Variants in RAB3GAP2 observed in about 807,000 individuals in gnomAD.
RAB3GAP2 encodes rab3 GTPase-activating protein non-catalytic subunit.
In RAB3GAP2, 87 loss-of-function variants were observed where a neutral mutation model predicts 185.3. The observed-to-expected ratio is 0.47, with a 90% CI of 0.39 to 0.56. The LOEUF (loss-of-function observed/expected upper bound fraction) is 0.56, where lower values mean the gene tolerates loss of function less well. RAB3GAP2 is among the 20% of genes least tolerant of loss of function. The pLI, the probability that RAB3GAP2 is intolerant of heterozygous loss-of-function variation, is 0.00. For missense variants in RAB3GAP2, 1,492 were observed against 1,638.2 expected (o/e 0.91, Z 1.54); for synonymous variants, 554 against 576.1 (o/e 0.96, Z 0.55).
intron 28 of RAB3GAP2, 50 bp downstream of exon 28, chr1:220,162,148 C>G: frequency 7.6e-7 from 1 of 1,323,996 alleles, no homozygotes; most frequent in Non-Finnish European, 1.1e-6. Flanking sequence ...TAATATTAGT[C>G]AAATAAGAGA....
At chr1:220,209,032 T>A (rs1417641618) in intron 7 of RAB3GAP2, among the ~76,000 whole-genome samples, 1 of 152,128 alleles carries the variant, frequency 6.6e-6, no homozygotes, top group African/African-American at 2.4e-5. Flanking sequence ...ACAATTTTTG[T>A]ACTAGTCCTT....
At chr1:220,265,570 G>A (rs181848535) in intron 1 of RAB3GAP2, among the ~76,000 whole-genome samples, 2 of 152,104 alleles carry the variant, frequency 1.3e-5, no homozygotes, top group African/African-American at 4.8e-5. Context: ...TGGAAATTAT[G>A]TCACTATAGG....
At chr1:220,249,977 C>T (rs764582026) in intron 1 of RAB3GAP2, among the ~76,000 whole-genome samples, 1 of 152,190 alleles carries the variant, frequency 6.6e-6, no homozygotes, top group Non-Finnish European at 1.5e-5. Flanking sequence ...TAATGGAGAA[C>T]CTTTGCTAGG....
At chr1:220,176,356 C>T (rs912782598) in intron 21 of RAB3GAP2, among the ~76,000 whole-genome samples, 7 of 152,026 alleles carry the variant, frequency 4.6e-5, no homozygotes, top group African/African-American at 1.4e-4. Context: ...ACCAAGATGG[C>T]GGAATAGAAG....
In RAB3GAP2 at chr1:220,154,219, T is replaced by C. The variant is rs565562381; in HGVS notation, c.3556-162A>G. ...TTTATAACAATTATCTAGTATATAGTAGACAGCCTTTAAGATGAAACCCAG... is the reference window on the plus strand; with the variant it reads ...TTTATAACAATTATCTAGTATATAGCAGACAGCCTTTAAGATGAAACCCAG... On this transcript the variant is annotated intron_variant, in intron 31 of 34. Transcript: ENST00000358951. 6.7e-6 allele frequency: 7 copies of C among 1,040,510 alleles called. 1 individual carries two copies. The highest frequency in any genetic ancestry group is 3.5e-5 in the South Asian group (2 of 57,470). 64.5% of individuals were successfully genotyped at this position (1,040,510 alleles called of 1,614,324 possible). A position where few individuals can be genotyped will look rare whatever the true frequency, so the allele number is the denominator to read the frequency against.
Position 220,254,180 on chromosome 1 carries a change from G to A in RAB3GAP2, c.115+18043C>T, listed in dbSNP as rs570549899. On this transcript the variant is annotated intron_variant, in intron 1 of 34. Coordinates refer to ENST00000358951, the MANE Select transcript of RAB3GAP2 (RefSeq NM_012414.4). ...GATTATGCAAATTACAAGAAATCTC[G>A]TGGAAACACAGATAATAAGGAGTAT... 2.0e-3 allele frequency: 3,302 copies of A among 1,613,448 alleles called. 3 individuals carry two copies. Among genetic ancestry groups the A allele is most frequent in the Non-Finnish European group, 2.5e-3 (3,005 of 1,179,434 alleles).
intron 33 of RAB3GAP2, 118 bp downstream of exon 33, chr1:220,153,067 C>T (rs1407853903): frequency 1.3e-5 from 10 of 785,942 alleles, no homozygotes; most frequent in Non-Finnish European, 2.3e-6. Flanking sequence ...TATTTTTATA[C>T]CTAGATGTTC....
chr1:220,254,909 G>A (rs1191129271), intron 1 of RAB3GAP2, among the ~76,000 whole-genome samples: 2 of 148,378 alleles, frequency 1.3e-5, no homozygotes, highest in Non-Finnish European at 3.0e-5. Context: ...AGTGCCAAAG[G>A]TTCAATTCAG....
chr1:220,241,180 T>G (rs1328805938), intron 1 of RAB3GAP2, among the ~76,000 whole-genome samples: 1 of 152,082 alleles, frequency 6.6e-6, no homozygotes, highest in Non-Finnish European at 1.5e-5. Context: ...TTATCCTAAT[T>G]TGCTTCTGAA....
chr1:220,237,868 T>C (rs1361659720), intron 1 of RAB3GAP2, among the ~76,000 whole-genome samples: 3 of 148,122 alleles, frequency 2.0e-5, no homozygotes, highest in Admixed American at 6.7e-5. Flanking sequence ...AATTAACTAA[T>C]AGCCATATTA....
At chr1:220,209,087 C>A (rs575429018) in intron 7 of RAB3GAP2, among the ~76,000 whole-genome samples, 2 of 152,308 alleles carry the variant, frequency 1.3e-5, no homozygotes, top group Admixed American at 1.3e-4. Flanking sequence ...CCACCCAGCA[C>A]TCCACATCTG....
In RAB3GAP2 at chr1:220,210,837, C is replaced by T. The variant is rs1659072246; in HGVS notation, c.474G>A (p.Val158=). 1 of 1,613,708 alleles carries T rather than the reference C, an allele frequency of 6.2e-7. No individual in the cohort carries two copies. The highest frequency in any genetic ancestry group is 8.5e-7 in the Non-Finnish European group (1 of 1,179,796). The change falls in exon 6 of 35, where the codon GTG becomes GTA. Residue 158 remains valine, a synonymous_variant. Transcript: ENST00000358951. ...TGRPDWTCIV[V]GFTSGYVRFY... is the part of the protein sequence containing the mutation. ...AGCGTACATAACCTGAAGTAAAACC[C>T]ACCACAATGCAGGTCCAGTCAGGAC...
chr1:220,154,155 T>C (rs1299291972), intron 31 of RAB3GAP2, 98 bp from the exon 32 acceptor site: 1 of 1,499,278 alleles, frequency 6.7e-7, no homozygotes, highest in African/African-American at 1.4e-5. Context: ...TTATGGTTGA[T>C]TTTTATTTCT....
At chr1:220,224,448 C>T (rs1182173081) in intron 2 of RAB3GAP2, among the ~76,000 whole-genome samples, 1 of 152,024 alleles carries the variant, frequency 6.6e-6, no homozygotes, top group Non-Finnish European at 1.5e-5. Flanking sequence ...TACAGCTATA[C>T]AATAAAATAG....
At chr1:220,245,654 G>T (rs1161790484) in intron 1 of RAB3GAP2, among the ~76,000 whole-genome samples, 2 of 151,752 alleles carry the variant, frequency 1.3e-5, no homozygotes, top group African/African-American at 4.8e-5. Flanking sequence ...CCCCAACTGG[G>T]TGGAGCCCAC....
chr1:220,227,453 T>A (rs1659421642), intron 2 of RAB3GAP2, among the ~76,000 whole-genome samples: 1 of 152,150 alleles, frequency 6.6e-6, no homozygotes, highest in Admixed American at 6.5e-5. Context: ...AAGAAACTAC[T>A]CTCAAAGAGC....
chr1:220,260,994 G>A (rs1660125447), intron 1 of RAB3GAP2, among the ~76,000 whole-genome samples: 2 of 152,164 alleles, frequency 1.3e-5, no homozygotes, highest in Non-Finnish European at 2.9e-5. Context: ...AGACAGCACA[G>A]TACTGAGGTT....
Position 220,216,701 on chromosome 1 carries a change from T to C in RAB3GAP2, c.181-2722A>G, listed in dbSNP as rs549088194. Among the ~76,000 whole-genome samples the C allele has an allele frequency of 5.5e-4, 83 of 152,252 alleles. 2 individuals carry two copies. In the South Asian group the frequency reaches 0.017, roughly 31 times the overall value. ...TCTGACTCTTATCCTAAAATCTCCA[T>C]CTCAATGCAATAAAAAAGAATCAAT... On this transcript the variant is annotated intron_variant, in intron 2 of 34. Coordinates refer to ENST00000358951, the MANE Select transcript of RAB3GAP2 (RefSeq NM_012414.4).
At chr1:220,195,448 G>A in intron 10 of RAB3GAP2, 71 bp from the exon 11 acceptor site, 1 of 1,371,336 alleles carries the variant, frequency 7.3e-7, no homozygotes, top group South Asian at 1.2e-5. Flanking sequence ...TCTAAATAAA[G>A]CTTACTTTAA....
Sources: gnomAD v4.1 joint callset for allele counts (sites outside exome capture counted in the v4.1 genomes callset) on GRCh38, gnomAD v4.1.1 for gene constraint, MANE v1.5 for transcripts, NCBI Gene and HGNC (gene_info 2026-07-23, HGNC 2026-07-21) for gene names.